The following FBXO16 variants were observed in gnomAD, a reference collection of about 807,000 sequenced individuals.
FBXO16 encodes the protein F-box only protein 16.
In FBXO16, 31 loss-of-function variants were observed where a neutral mutation model predicts 41.0. The ratio of observed to expected loss-of-function variants is 0.76; its 90% CI spans 0.57 to 1.02. FBXO16 has a LOEUF of 1.02. FBXO16 is among the 50% of genes least tolerant of loss of function. FBXO16 has a pLI of 0.00. For synonymous variants in FBXO16, 133 were observed against 117.8 expected, an observed-to-expected ratio of 1.13 and a Z score of -0.84; for missense variants, 361 against 346.2, an observed-to-expected ratio of 1.04 and a Z score of -0.34.
intron 3 of FBXO16, among the ~76,000 whole-genome samples, chr8:28,467,179 C>A (rs1322220877): frequency 5.3e-5 from 8 of 151,838 alleles, no homozygotes; most frequent in Non-Finnish European, 1.0e-4. Flanking sequence ...AGGATGATTA[C>A]GGTTACAAAA....
chr8:28,449,314 T>A (rs959635725), intron 6 of FBXO16, among the ~76,000 whole-genome samples: 3 of 136,218 alleles, frequency 2.2e-5, no homozygotes, highest in Admixed American at 7.9e-5. Context: ...TATGTAGACT[T>A]CTTTTTTTTT....
At position 28,441,141 on chromosome 8, in the gene FBXO16, G is replaced by A. The variant is rs554668751; in HGVS notation, c.843+6030C>T. ...CGGCAAACAGGTTTAATTGGAACAG[G>A]TGGTATCTAATACTGTTCCCGCCTC... is the stretch of plus-strand genomic sequence containing the variant. On this transcript the variant is annotated intron_variant, in intron 7 of 8. Transcript: ENST00000380254. Among the ~76,000 whole-genome samples the A allele has an allele frequency of 1.5e-4, 23 of 152,192 alleles. No individual in the cohort carries two copies. In the South Asian group the frequency reaches 4.6e-3, roughly 30 times the overall value.
chr8:28,429,790 A>G (rs1048758895), intron 7 of FBXO16, among the ~76,000 whole-genome samples: 12 of 152,150 alleles, frequency 7.9e-5, no homozygotes, highest in African/African-American at 2.9e-4. Flanking sequence ...CCCTCCAGCT[A>G]ACGTGCTCCC....
intron 6 of FBXO16, among the ~76,000 whole-genome samples, chr8:28,451,786 C>T (rs1802957440): frequency 6.6e-6 from 1 of 151,828 alleles, no homozygotes; most frequent in Admixed American, 6.6e-5. Flanking sequence ...AGTTCAAGAC[C>T]AGCCTGGTCA....
intron 7 of FBXO16, among the ~76,000 whole-genome samples, chr8:28,433,070 A>AAC (rs1802633892): frequency 6.9e-6 from 1 of 144,160 alleles, no homozygotes; most frequent in African/African-American, 2.6e-5. Context: ...AAAAAAAAAA[A>AAC]AAACAAACAA....
Position 28,454,824 on chromosome 8 carries a change from T to G in FBXO16, c.507+1942A>C, listed in dbSNP as rs1337717187. Among the ~76,000 whole-genome samples the G allele has an allele frequency of 2.0e-5, 3 of 151,610 alleles. No homozygotes were observed. The East Asian group carries it at 5.8e-4, about 29-fold the overall frequency. On this transcript the variant is annotated intron_variant, in intron 5 of 8. Transcript: ENST00000380254. Reference sequence around the variant, plus strand: ...AGGTAATAGTGAAATCTGTGATAACTTATTTGTATTAAGTAAACAAAATTT... The same window carrying G: ...AGGTAATAGTGAAATCTGTGATAACGTATTTGTATTAAGTAAACAAAATTT...
At chr8:28,463,907 G>C in intron 3 of FBXO16, 89 bp from the exon 4 acceptor site, 1 of 1,206,512 alleles carries the variant, frequency 8.3e-7, no homozygotes, top group Non-Finnish European at 1.2e-6. Context: ...CAATGGCATA[G>C]AAAGGGAGTT....
intron 6 of FBXO16, among the ~76,000 whole-genome samples, chr8:28,449,727 A>C (rs756988137): frequency 2.0e-5 from 3 of 151,948 alleles, no homozygotes; most frequent in African/African-American, 4.8e-5. Flanking sequence ...TAATCCCAGC[A>C]CTTTGGGAGG....
Position 28,463,833 on chromosome 8 carries a change from CAAAGCAAAATGTAA to C in FBXO16, c.136-29_136-16del. 1 of 1,611,294 alleles carries C rather than the reference CAAAGCAAAATGTAA, an allele frequency of 6.2e-7. No individual in the cohort carries two copies. Among genetic ancestry groups the C allele is most frequent in the African/African-American group, 1.3e-5 (1 of 74,922 alleles). On this transcript the variant is annotated splice_polypyrimidine_tract_variant and intron_variant, in intron 3 of 8. Transcript: ENST00000380254. ...CATTTGTCAAACTGGAAACACAAAA[CAAAGCAAAATGTAA>C]AAAGCTCCAGGTTTAGTCTGATAGC...
At chr8:28,442,115 T>G (rs1802790786) in intron 7 of FBXO16, among the ~76,000 whole-genome samples, 5 of 151,772 alleles carry the variant, frequency 3.3e-5, no homozygotes, top group Admixed American at 3.3e-4. Context: ...AATTTTTGTA[T>G]TTTTAGTAGA....
intron 3 of FBXO16, among the ~76,000 whole-genome samples, chr8:28,473,046 G>T (rs1420154680): frequency 6.6e-6 from 1 of 152,118 alleles, no homozygotes; most frequent in Non-Finnish European, 1.5e-5. Flanking sequence ...CTTCCCTATG[G>T]GGCTGAAGGT....
intron 7 of FBXO16, among the ~76,000 whole-genome samples, chr8:28,444,031 G>A (rs184678232): frequency 1.3e-5 from 2 of 152,036 alleles, no homozygotes; most frequent in South Asian, 2.1e-4. Flanking sequence ...ATTTCTTTAG[G>A]TTCTTAATAA....
intron 2 of FBXO16, among the ~76,000 whole-genome samples, chr8:28,475,648 C>T (rs193289639): frequency 2.6e-5 from 4 of 152,310 alleles, no homozygotes; most frequent in South Asian, 2.1e-4. Flanking sequence ...TTATAGTTCA[C>T]GCTTCACTTA....
chr8:28,461,631 A>AT (rs1485152333), intron 4 of FBXO16, among the ~76,000 whole-genome samples: 1 of 150,802 alleles, frequency 6.6e-6, no homozygotes, highest in African/African-American at 2.4e-5. Context: ...CATGCAATCG[A>AT]TTTTTTTCCC....
chr8:28,466,189 T>C (rs1244373969), intron 3 of FBXO16, among the ~76,000 whole-genome samples: 1 of 151,898 alleles, frequency 6.6e-6, no homozygotes, highest in African/African-American at 2.4e-5. Context: ...CGGAGTGCTA[T>C]TGCACTCCAG....
intron 7 of FBXO16, among the ~76,000 whole-genome samples, chr8:28,442,131 G>C (rs1241449951): frequency 6.6e-6 from 1 of 151,664 alleles, no homozygotes. Flanking sequence ...GTAGAGACAG[G>C]GTTTCACCAC....
At chr8:28,469,010 A>G (rs1007770712) in intron 3 of FBXO16, among the ~76,000 whole-genome samples, 1 of 152,176 alleles carries the variant, frequency 6.6e-6, no homozygotes, top group Non-Finnish European at 1.5e-5. Flanking sequence ...CTAATTAAAA[A>G]AAAATTTTTT....
In FBXO16 at chr8:28,473,801, C is replaced by T. The variant is rs989694242; in HGVS notation, c.106G>A (p.Glu36Lys). The change falls in exon 3 of 9, where the codon GAA becomes AAA. Residue 36 changes from glutamate to lysine, a missense_variant. Physicochemically the swap from Glu to Lys is moderately conservative, Grantham distance 56. Coordinates refer to ENST00000380254, the MANE Select transcript of FBXO16 (RefSeq NM_172366.4). ...NHQLLNDRVF[E>K]ERRALLGKWF... is the part of the protein sequence containing the mutation. ...TTGCCAAGCAGGGCTCTTCTTTCTTCAAATACCTACAGTAAGTAAAAAAGA... is the reference window on the plus strand; with the variant it reads ...TTGCCAAGCAGGGCTCTTCTTTCTTTAAATACCTACAGTAAGTAAAAAAGA... 1.2e-6 allele frequency: 2 copies of T among 1,600,636 alleles called. No homozygotes were observed. The highest frequency in any genetic ancestry group is 4.5e-5 in the East Asian group (2 of 44,732).
intron 2 of FBXO16, 60 bp from the exon 3 acceptor site, chr8:28,473,867 C>T: frequency 8.0e-7 from 1 of 1,255,358 alleles, no homozygotes; most frequent in Non-Finnish European, 1.1e-6. Context: ...ATACCCATTA[C>T]AAGAAAGATA....
Sources: gnomAD v4.1 joint callset for allele counts (sites outside exome capture counted in the v4.1 genomes callset) on GRCh38, gnomAD v4.1.1 for gene constraint, MANE v1.5 for transcripts, NCBI Gene and HGNC (gene_info 2026-07-23, HGNC 2026-07-21) for gene names.